ATP6V1H: variants seen among roughly 807,000 people sequenced by gnomAD.
The protein encoded by ATP6V1H is ATPase H+ transporting V1 subunit H, also known as V-type proton ATPase subunit H.
In ATP6V1H, 39 loss-of-function variants were observed where a neutral mutation model predicts 71.7. The ratio of observed to expected loss-of-function variants is 0.54; its 90% CI spans 0.42 to 0.71. The LOEUF is 0.71. ATP6V1H is among the 30% of genes least tolerant of loss of function. The pLI is 0.00. For synonymous variants in ATP6V1H, 192 were observed against 199.3 expected, an observed-to-expected ratio of 0.96 and a Z score of 0.31; for missense variants, 509 against 594.9, an observed-to-expected ratio of 0.86 and a Z score of 1.50.
chr8:53,799,794 A>G (rs1204615593), intron 8 of ATP6V1H, among the ~76,000 whole-genome samples: 1 of 152,138 alleles, frequency 6.6e-6, no homozygotes, highest in African/African-American at 2.4e-5. Flanking sequence ...GGGTCCTGAG[A>G]AAGACCCCTG....
At chr8:53,785,206 G>A (rs60709944) in intron 9 of ATP6V1H, among the ~76,000 whole-genome samples, 9,989 of 152,064 alleles carry the variant, frequency 0.066, 995 homozygotes, top group African/African-American at 0.21. Flanking sequence ...TTTTCACATA[G>A]TCCCATATTT....
intron 13 of ATP6V1H, among the ~76,000 whole-genome samples, chr8:53,720,328 C>T (rs182985681): frequency 8.1e-4 from 123 of 152,262 alleles, no homozygotes; most frequent in Non-Finnish European, 9.1e-4. Flanking sequence ...AGTACATAAA[C>T]GGCTCACAAA....
Position 53,743,674 on chromosome 8 carries a change from C to T in ATP6V1H, c.1294G>A (p.Gly432Ser), listed in dbSNP as rs550557488. 1.8e-5 allele frequency: 29 copies of T among 1,611,008 alleles called. No homozygotes were observed. The South Asian group carries it at 2.6e-4, about 15-fold the overall frequency. ...TGGTTCATGACCAGCTGCTTCCCAC[C>T]GAGCTGCTCGATGACCCTGCAAACG... ...PRGKRVIEQL[G>S]GKQLVMNHMH... The change falls in exon 13 of 14, where the codon GGT becomes AGT. Residue 432 changes from glycine to serine, a missense_variant. By Grantham distance (56) the Gly-to-Ser change is moderately conservative (BLOSUM62 0). Transcript: ENST00000359530.
At chr8:53,731,814 T>C (rs1344271848) in intron 13 of ATP6V1H, among the ~76,000 whole-genome samples, 1 of 152,274 alleles carries the variant, frequency 6.6e-6, no homozygotes, top group Non-Finnish European at 1.5e-5. Context: ...GGCTTAGGCC[T>C]GCCCTCTGGA....
intron 2 of ATP6V1H, among the ~76,000 whole-genome samples, chr8:53,834,878 A>G (rs2130534547): frequency 6.6e-6 from 1 of 150,730 alleles, no homozygotes; most frequent in East Asian, 2.0e-4. Context: ...GCAGTGGCTC[A>G]TGCCTGTAAT....
intron 12 of ATP6V1H, among the ~76,000 whole-genome samples, chr8:53,748,141 G>A (rs182071024): frequency 1.1e-3 from 174 of 151,766 alleles, no homozygotes; most frequent in African/African-American, 4.1e-3. Context: ...CTGGGCAACA[G>A]AGTGAGACTC....
intron 13 of ATP6V1H, among the ~76,000 whole-genome samples, chr8:53,725,921 G>A (rs925626981): frequency 2.0e-5 from 3 of 152,084 alleles, no homozygotes; most frequent in East Asian, 1.9e-4. Flanking sequence ...TCTGAAGGGC[G>A]CTGACCGTTG....
At chr8:53,828,899 T>G (rs1429682646) in intron 4 of ATP6V1H, among the ~76,000 whole-genome samples, 1 of 152,164 alleles carries the variant, frequency 6.6e-6, no homozygotes, top group Admixed American at 6.5e-5. Flanking sequence ...TATACTCTAG[T>G]GTAAAATACA....
intron 2 of ATP6V1H, among the ~76,000 whole-genome samples, chr8:53,835,497 C>T (rs921028879): frequency 1.4e-4 from 21 of 152,172 alleles, no homozygotes; most frequent in African/African-American, 4.6e-4. Flanking sequence ...TTGATTATTA[C>T]ATATTCAAAA....
intron 13 of ATP6V1H, among the ~76,000 whole-genome samples, chr8:53,725,200 G>A (rs1411526366): frequency 2.0e-5 from 3 of 152,004 alleles, no homozygotes; most frequent in Non-Finnish European, 4.4e-5. Context: ...ATAGATTAAC[G>A]AGTTATCATG....
chr8:53,740,417 A>G (rs1039825815), intron 13 of ATP6V1H, among the ~76,000 whole-genome samples: 3 of 152,250 alleles, frequency 2.0e-5, no homozygotes, highest in Admixed American at 1.3e-4. Flanking sequence ...GGATGCAGGC[A>G]AAGTGCCGCT....
rs144133348 is a variant in ATP6V1H at position 53,834,336 on chromosome 8, A to G, written c.114-1250T>C. On this transcript the variant is annotated intron_variant, in intron 2 of 13. Transcript: ENST00000359530. ...AAATATAAGAAAAAGCACTCGCTGTATATTAGAACATGGGTAAAAGCAAGT... is the reference window on the plus strand; with the variant it reads ...AAATATAAGAAAAAGCACTCGCTGTGTATTAGAACATGGGTAAAAGCAAGT... Among the ~76,000 whole-genome samples, 343 of 152,354 alleles carry G rather than the reference A, an allele frequency of 2.3e-3. 2 individuals carry two copies. Among genetic ancestry groups the G allele is most frequent in the African/African-American group, 7.8e-3 (326 of 41,590 alleles).
Position 53,808,677 on chromosome 8 carries a change from A to G in ATP6V1H, c.579+2487T>C, listed in dbSNP as rs566913757. On this transcript the variant is annotated intron_variant, in intron 7 of 13. Coordinates refer to ENST00000359530, the MANE Select transcript of ATP6V1H (RefSeq NM_015941.4). ...CCCAGCTACTGGTGGGATGGGGGTC[A>G]GAGGTTGGTGGTGGTGGTTGGGCTG... is the stretch of plus-strand genomic sequence containing the variant. Among the ~76,000 whole-genome samples, 338 of 151,988 alleles carry G rather than the reference A, an allele frequency of 2.2e-3. 2 individuals are homozygous for G. Among genetic ancestry groups the G allele is most frequent in the African/African-American group, 7.9e-3 (327 of 41,438 alleles).
Position 53,801,834 on chromosome 8 carries a change from G to A in ATP6V1H, c.642C>T (p.Tyr214=), listed in dbSNP as rs1233365045. 6.2e-7 allele frequency: 1 copy of A among 1,613,912 alleles called. No homozygotes were observed. Among genetic ancestry groups the A allele is most frequent in the Non-Finnish European group, 8.5e-7 (1 of 1,179,990 alleles). The change falls in exon 8 of 14, where the codon TAC becomes TAT. Residue 214 remains tyrosine, a synonymous_variant. Coordinates refer to ENST00000359530, the MANE Select transcript of ATP6V1H (RefSeq NM_015941.4). ...CLQLMLRVNE[Y]RFAWVEADGV... ...CATCTGCTTCCACCCAAGCAAAGCG[G>A]TACTCATTGACCCGGAGCATCAGCT...
intron 9 of ATP6V1H, among the ~76,000 whole-genome samples, chr8:53,790,567 G>A (rs1809535182): frequency 6.6e-6 from 1 of 152,150 alleles, no homozygotes; most frequent in Non-Finnish European, 1.5e-5. Flanking sequence ...ACTCTCACAG[G>A]ACACACGAAA....
At chr8:53,777,575 G>C (rs902610904) in intron 9 of ATP6V1H, among the ~76,000 whole-genome samples, 3 of 152,128 alleles carry the variant, frequency 2.0e-5, no homozygotes, top group African/African-American at 7.2e-5. Context: ...GAGATAATCA[G>C]TCACCAGCAG....
At chr8:53,826,833 T>C (rs1810836282) in intron 4 of ATP6V1H, among the ~76,000 whole-genome samples, 1 of 151,528 alleles carries the variant, frequency 6.6e-6, no homozygotes, top group African/African-American at 2.4e-5. Flanking sequence ...GGTGCCTGTA[T>C]CCCAGTTACT....
At chr8:53,772,514 C>T (rs1288166828) in intron 9 of ATP6V1H, among the ~76,000 whole-genome samples, 1 of 152,080 alleles carries the variant, frequency 6.6e-6, no homozygotes, top group Non-Finnish European at 1.5e-5. Flanking sequence ...ACCTAGAGCA[C>T]ATACAATACT....
chr8:53,833,090 G>C lies in ATP6V1H; in HGVS notation c.114-4C>G, dbSNP rs1420988643. 1 of 1,606,348 alleles carries C rather than the reference G, an allele frequency of 6.2e-7. No homozygotes were observed. The highest frequency in any genetic ancestry group is 8.5e-7 in the Non-Finnish European group (1 of 1,174,230). The stretch of plus-strand genomic sequence containing the variant: ...TTCAGCAGAAATCATCTGTCCCCTA[G>C]AAAGTAAGAATAAGATGTTTTGTTC... On this transcript the variant is annotated splice_region_variant and splice_polypyrimidine_tract_variant and intron_variant, in intron 2 of 13. Transcript: ENST00000359530.
Sources: gnomAD v4.1 joint callset for allele counts (sites outside exome capture counted in the v4.1 genomes callset) on GRCh38, gnomAD v4.1.1 for gene constraint, MANE v1.5 for transcripts, NCBI Gene and HGNC (gene_info 2026-07-23, HGNC 2026-07-21) for gene names.